Variants in ELOVL6 observed in about 807,000 individuals in gnomAD.
The protein encoded by ELOVL6 is ELOVL fatty acid elongase 6.
In ELOVL6, 8 loss-of-function variants were observed where a neutral mutation model predicts 31.7. The observed-to-expected ratio is 0.25, with a 90% CI of 0.15 to 0.45. The LOEUF is 0.45. Among genes scored for constraint, ELOVL6 ranks in the 20% least tolerant of loss-of-function variants. The pLI, the probability that ELOVL6 is intolerant of heterozygous loss-of-function variation, is 1.00. For synonymous variants in ELOVL6, 101 were observed against 117.7 expected (o/e 0.86, Z 0.92); for missense variants, 126 against 326.4 (o/e 0.39, Z 4.73).
intron 1 of ELOVL6, among the ~76,000 whole-genome samples, chr4:110,121,597 G>T (rs567056485): frequency 6.6e-6 from 1 of 152,274 alleles, no homozygotes; most frequent in African/African-American, 2.4e-5. Context: ...TACTCGGGAG[G>T]CTGAGGCAGG....
intron 1 of ELOVL6, among the ~76,000 whole-genome samples, chr4:110,129,192 A>G (rs566936015): frequency 3.4e-4 from 52 of 152,326 alleles, no homozygotes; most frequent in African/African-American, 1.2e-3. Flanking sequence ...TATTTTTAAG[A>G]ATCAAATAAT....
intron 2 of ELOVL6, among the ~76,000 whole-genome samples, chr4:110,076,481 G>A (rs1179897364): frequency 6.6e-6 from 1 of 152,120 alleles, no homozygotes; most frequent in Non-Finnish European, 1.5e-5. Flanking sequence ...TCAAGTAGGA[G>A]AAATGATTCA....
At chr4:110,096,550 G>A (rs1432060078) in intron 2 of ELOVL6, among the ~76,000 whole-genome samples, 1 of 152,102 alleles carries the variant, frequency 6.6e-6, no homozygotes, top group Non-Finnish European at 1.5e-5. Flanking sequence ...AAGCATGGAG[G>A]TTTTATTCAA....
At chr4:110,076,766 G>C (rs903839521) in intron 2 of ELOVL6, among the ~76,000 whole-genome samples, 1 of 152,198 alleles carries the variant, frequency 6.6e-6, no homozygotes, top group Admixed American at 6.5e-5. Context: ...CGCACCGAGT[G>C]TGAGCCGAAG....
chr4:110,104,851 G>A (rs181690620), intron 2 of ELOVL6, among the ~76,000 whole-genome samples: 1 of 152,310 alleles, frequency 6.6e-6, no homozygotes, highest in East Asian at 1.9e-4. Context: ...AGCTTCTGGA[G>A]GAATGAGTCT....
intron 1 of ELOVL6, among the ~76,000 whole-genome samples, chr4:110,140,177 C>T (rs556680258): frequency 7.2e-5 from 11 of 152,218 alleles, no homozygotes; most frequent in Non-Finnish European, 1.5e-4. Flanking sequence ...TTGTGTTTCA[C>T]AGTAGGTGAA....
intron 1 of ELOVL6, among the ~76,000 whole-genome samples, chr4:110,119,794 T>C (rs957370530): frequency 1.3e-5 from 2 of 152,282 alleles, no homozygotes; most frequent in Middle Eastern, 3.4e-3. Context: ...ATTAAGTCCA[T>C]AGCTCCCATT....
chr4:110,084,127 ATGTGAT>A (rs1460574898), intron 2 of ELOVL6, among the ~76,000 whole-genome samples: 4 of 63,534 alleles, frequency 6.3e-5, no homozygotes, highest in African/African-American at 4.9e-4. Flanking sequence ...TATAACATAT[ATGTGAT>A]AATGATATAT....
intron 1 of ELOVL6, among the ~76,000 whole-genome samples, chr4:110,129,626 G>A (rs191187091): frequency 5.4e-4 from 82 of 152,314 alleles, no homozygotes; most frequent in African/African-American, 1.8e-3. Flanking sequence ...TGTCCCTTTG[G>A]AGTTTTATTC....
rs151333964 is a variant in ELOVL6 at position 110,172,802 on chromosome 4, T to G, written c.89+25445A>C. Among the ~76,000 whole-genome samples the G allele has an allele frequency of 2.6e-3, 397 of 152,362 alleles. 9 individuals are homozygous for G. The highest frequency in any genetic ancestry group is 7.6e-3 in the African/African-American group (316 of 41,580). ...AACTCTGCTAAGAGCTTTTAAGTCT[T>G]GTTACAGTGAAACAATGGACATATA... On this transcript the variant is annotated intron_variant, in intron 1 of 3. Transcript: ENST00000302274.
chr4:110,062,168 A>G (rs1325102041), intron 2 of ELOVL6, among the ~76,000 whole-genome samples: 1 of 152,172 alleles, frequency 6.6e-6, no homozygotes, highest in Non-Finnish European at 1.5e-5. Flanking sequence ...GGGCTAGGGT[A>G]TGGGGAGGTC....
intron 2 of ELOVL6, among the ~76,000 whole-genome samples, chr4:110,067,670 T>C (rs757842065): frequency 3.3e-5 from 5 of 152,208 alleles, no homozygotes; most frequent in Non-Finnish European, 7.3e-5. Context: ...CATCAGGTGC[T>C]GACATAAAAG....
intron 1 of ELOVL6, among the ~76,000 whole-genome samples, chr4:110,194,201 G>C (rs917626330): frequency 6.6e-6 from 1 of 152,136 alleles, no homozygotes; most frequent in African/African-American, 2.4e-5. Context: ...GAGAAAAACA[G>C]GTAAAGGCCA....
At chr4:110,074,115 A>G (rs1178492602) in intron 2 of ELOVL6, among the ~76,000 whole-genome samples, 1 of 152,146 alleles carries the variant, frequency 6.6e-6, no homozygotes, top group Non-Finnish European at 1.5e-5. Flanking sequence ...TAATTCCTCA[A>G]TATCAGGGAG....
At chr4:110,104,753 TG>T (rs1756839503) in intron 2 of ELOVL6, among the ~76,000 whole-genome samples, 1 of 152,208 alleles carries the variant, frequency 6.6e-6, no homozygotes, top group Non-Finnish European at 1.5e-5. Flanking sequence ...AGGTAAATCC[TG>T]GCACTTGCTT....
intron 1 of ELOVL6, among the ~76,000 whole-genome samples, chr4:110,192,511 T>A (rs1759654783): frequency 6.6e-6 from 1 of 152,226 alleles, no homozygotes; most frequent in Admixed American, 6.5e-5. Context: ...CACAAAATTT[T>A]ACTTCCAATG....
chr4:110,181,581 T>C (rs1467513944), intron 1 of ELOVL6, among the ~76,000 whole-genome samples: 2 of 150,536 alleles, frequency 1.3e-5, no homozygotes, highest in African/African-American at 2.5e-5. Context: ...GCCAACTTCC[T>C]AGATCCTAGT....
intron 1 of ELOVL6, among the ~76,000 whole-genome samples, chr4:110,194,303 T>C (rs1759710338): frequency 6.6e-6 from 1 of 152,216 alleles, no homozygotes; most frequent in Non-Finnish European, 1.5e-5. Context: ...AACTCCTATT[T>C]GGACCTATGA....
At chr4:110,112,662 C>T (rs2126249771) in intron 1 of ELOVL6, among the ~76,000 whole-genome samples, 1 of 150,712 alleles carries the variant, frequency 6.6e-6, no homozygotes, top group East Asian at 2.0e-4. Flanking sequence ...CACTTGAGAT[C>T]AGGAGTTCAA....
Sources: gnomAD v4.1 joint callset for allele counts (sites outside exome capture counted in the v4.1 genomes callset) on GRCh38, gnomAD v4.1.1 for gene constraint, MANE v1.5 for transcripts, NCBI Gene and HGNC (gene_info 2026-07-23, HGNC 2026-07-21) for gene names.